Variants in MYOF observed in about 807,000 individuals in gnomAD.
MYOF encodes myoferlin.
In MYOF, 244 loss-of-function variants were observed where a neutral mutation model predicts 284.2. That is an observed-to-expected ratio of 0.86 (90% CI 0.77 to 0.95). The LOEUF (loss-of-function observed/expected upper bound fraction) is 0.95, where lower values mean the gene tolerates loss of function less well. Among genes scored for constraint, MYOF ranks in the 40% least tolerant of loss-of-function variants. The pLI, the probability that MYOF is intolerant of heterozygous loss-of-function variation, is 0.00. For missense variants in MYOF, 2,496 were observed against 2,560.6 expected (o/e 0.97, Z 0.54); for synonymous variants, 904 against 919.7 (o/e 0.98, Z 0.31).
At position 93,310,028 on chromosome 10, in the gene MYOF, A is replaced by T; in HGVS notation, c.6139T>A (p.Ser2047Thr). 6.2e-7 allele frequency: 1 copy of T among 1,614,136 alleles called. No individual in the cohort carries two copies. ...LLLFVAVLLY[S>T]LPNYLSMKIV... ...CAAGGAAGGGCTCCTACCGGCAAAG[A>T]GTAGAGGAGCACGGCCACGAAGAGC... The change falls in exon 53 of 54, where the codon TCT becomes ACT. Residue 2047 changes from serine to threonine, a missense_variant. Ser to Thr is a moderately conservative substitution (Grantham distance 58). Around this residue, in one of 3 missense-constraint regions of MYOF, gnomAD observed 2,436 missense variants for 2,480.7 expected, o/e 0.98. Coordinates refer to ENST00000359263, the MANE Select transcript of MYOF (RefSeq NM_013451.4).
chr10:93,370,219 AAAATTCCAGTTTCACT>A (rs1222385519), intron 24 of MYOF, among the ~76,000 whole-genome samples: 14 of 152,176 alleles, frequency 9.2e-5, no homozygotes, highest in Non-Finnish European at 1.6e-4. Context: ...GTAAAGAAAC[AAAATTCCAGTTTCACT>A]AAAGAATTAT....
chr10:93,372,878 A>C, intron 24 of MYOF, 52 bp downstream of exon 24: 1 of 1,599,990 alleles, frequency 6.3e-7, no homozygotes, highest in Non-Finnish European at 8.6e-7. Flanking sequence ...CCTTCTCAGG[A>C]ATACAGCTTT....
At position 93,389,011 on chromosome 10, in the gene MYOF, C is replaced by T; in HGVS notation, c.1581+19G>A. On this transcript the variant is annotated intron_variant, in intron 18 of 53. Transcript: ENST00000359263. ...CTTAACCAATGCTGATTAATAACCA[C>T]CTTAATTGAGAAACCAACCTTTCCA... 4 of 1,610,312 alleles carry T rather than the reference C, an allele frequency of 2.5e-6. No individual in the cohort carries two copies. Among genetic ancestry groups the T allele is most frequent in the Non-Finnish European group, 3.4e-6 (4 of 1,178,822 alleles).
chr10:93,421,160 T>C (rs981505762), intron 5 of MYOF, among the ~76,000 whole-genome samples: 2 of 152,078 alleles, frequency 1.3e-5, no homozygotes, highest in African/African-American at 4.8e-5. Flanking sequence ...GAGGTTGCAA[T>C]GAGCCAAGAT....
chr10:93,362,950 C>A (rs1376631873), intron 27 of MYOF, among the ~76,000 whole-genome samples: 2 of 152,038 alleles, frequency 1.3e-5, no homozygotes, highest in Non-Finnish European at 2.9e-5. Context: ...TACAGATAAA[C>A]GTTCATAAAC....
At chr10:93,329,538 A>G in intron 44 of MYOF, 126 bp downstream of exon 44, 3 of 880,604 alleles carry the variant, frequency 3.4e-6, no homozygotes, top group Non-Finnish European at 4.9e-6. Context: ...CTGCGATTGA[A>G]ATCCATACCT....
At chr10:93,384,424 C>T (rs1220235038) in intron 19 of MYOF, among the ~76,000 whole-genome samples, 1 of 152,136 alleles carries the variant, frequency 6.6e-6, no homozygotes, top group Non-Finnish European at 1.5e-5. Flanking sequence ...CGGCGGATTA[C>T]CTGAGGTCAG....
chr10:93,320,254 T>G (rs898079466), intron 48 of MYOF, among the ~76,000 whole-genome samples: 2 of 152,172 alleles, frequency 1.3e-5, no homozygotes, highest in African/African-American at 2.4e-5. Context: ...CCCTTTAGAC[T>G]TCAGTTAACA....
In MYOF at chr10:93,329,784, G is replaced by A; in HGVS notation, c.4862C>T (p.Ser1621Phe). 6.2e-7 allele frequency: 1 copy of A among 1,614,210 alleles called. No individual in the cohort carries two copies. The highest frequency in any genetic ancestry group is 8.5e-7 in the Non-Finnish European group (1 of 1,180,032). The change falls in exon 44 of 54, where the codon TCT becomes TTT. Residue 1621 changes from serine to phenylalanine, a missense_variant. Transcript: ENST00000359263. ...YLPQEKDLKI[S>F]VYDYDTFTRD... ...GGTAAAGGTGTCATAATCATAGACA[G>A]AAATTTTCAGGTCTTTTTCTTGAGG...
At chr10:93,405,355 T>C (rs1354535595) in intron 7 of MYOF, among the ~76,000 whole-genome samples, 2 of 152,264 alleles carry the variant, frequency 1.3e-5, no homozygotes, top group Admixed American at 6.5e-5. Context: ...GCAAGAATCA[T>C]ACGTTGCATT....
chr10:93,323,441 G>A (rs1842921051), intron 46 of MYOF, 83 bp from the exon 47 acceptor site: 6 of 1,149,066 alleles, frequency 5.2e-6, no homozygotes, highest in Non-Finnish European at 7.1e-6. Flanking sequence ...TTTCTTAGAT[G>A]AAACTATTTC....
chr10:93,337,137 T>C lies in MYOF; in HGVS notation c.4437+678A>G, dbSNP rs561648724. Among the ~76,000 whole-genome samples, 5 of 151,946 alleles carry C rather than the reference T, an allele frequency of 3.3e-5. No homozygotes were observed. In the East Asian group the frequency reaches 9.7e-4, roughly 29 times the overall value. On this transcript the variant is annotated intron_variant, in intron 40 of 53. Coordinates refer to ENST00000359263, the MANE Select transcript of MYOF (RefSeq NM_013451.4). ...CAATAACATGAAAAGGTGTGGGTTT[T>C]TTTTTTTTTTGCTTTGATGGGGAAA...
chr10:93,418,459 A>G (rs1386988233), intron 5 of MYOF, among the ~76,000 whole-genome samples: 1 of 152,222 alleles, frequency 6.6e-6, no homozygotes. Context: ...ATGTGCCCTA[A>G]GAATTTTCTA....
intron 36 of MYOF, among the ~76,000 whole-genome samples, chr10:93,349,537 G>T (rs550939564): frequency 2.0e-5 from 3 of 152,228 alleles, no homozygotes; most frequent in Non-Finnish European, 4.4e-5. Flanking sequence ...GCTTGTAATA[G>T]ATAGCTGAAT....
chr10:93,356,461 A>G (rs1844807787), intron 30 of MYOF, among the ~76,000 whole-genome samples: 1 of 152,212 alleles, frequency 6.6e-6, no homozygotes, highest in Non-Finnish European at 1.5e-5. Flanking sequence ...TGTAGACAGC[A>G]GTATTTCTTA....
At position 93,313,818 on chromosome 10, in the gene MYOF, G is replaced by A. The variant is rs542526747; in HGVS notation, c.5699-608C>T. Among the ~76,000 whole-genome samples, 8 of 152,196 alleles carry A rather than the reference G, an allele frequency of 5.3e-5. 1 individual carries two copies. In the South Asian group the frequency reaches 1.2e-3, roughly 24 times the overall value. On this transcript the variant is annotated intron_variant, in intron 50 of 53. Coordinates refer to ENST00000359263, the MANE Select transcript of MYOF (RefSeq NM_013451.4). ...CAAGAGGCTGAGGCACAAGAATCGC[G>A]TGAGCCCAGGAGGCAGAGGTTGCAG...
intron 48 of MYOF, among the ~76,000 whole-genome samples, chr10:93,321,385 G>A (rs1284443102): frequency 6.9e-6 from 1 of 144,072 alleles, no homozygotes; most frequent in African/African-American, 2.5e-5. Context: ...AGATAAATGA[G>A]TTGAAAGATT....
At chr10:93,366,330 T>A in intron 26 of MYOF, 62 bp downstream of exon 26, 1 of 1,522,232 alleles carries the variant, frequency 6.6e-7, no homozygotes, top group Admixed American at 1.9e-5. Flanking sequence ...TATAATATAT[T>A]TAGCAATTTC....
At position 93,441,262 on chromosome 10, in the gene MYOF, T is replaced by G. The variant is rs182555692; in HGVS notation, c.237-9746A>C. On this transcript the variant is annotated intron_variant, in intron 3 of 53. Transcript: ENST00000359263. ...GTAATAAAAGCTTAAAGACAAGGTA[T>G]TTCATATACTAGGGAATGAAAAACG... Among the ~76,000 whole-genome samples, 7 of 152,352 alleles carry G rather than the reference T, an allele frequency of 4.6e-5. No individual in the cohort carries two copies. In the East Asian group the frequency reaches 1.3e-3, roughly 29 times the overall value.
Sources: gnomAD v4.1 joint callset for allele counts (sites outside exome capture counted in the v4.1 genomes callset) on GRCh38, gnomAD v4.1.1 for gene constraint, gnomAD v4.1.1 regional missense constraint, MANE v1.5 for transcripts, NCBI Gene and HGNC (gene_info 2026-07-23, HGNC 2026-07-21) for gene names.